The following OXR1 variants were observed in gnomAD, a reference collection of about 807,000 sequenced individuals.
OXR1 encodes oxidation resistance protein 1.
Under a neutral mutation model 104.6 loss-of-function variants are expected in OXR1, and 41 were observed. The ratio of observed to expected loss-of-function variants is 0.39; its 90% confidence interval spans 0.31 to 0.51. The LOEUF is 0.51. Among genes scored for constraint, OXR1 ranks in the 20% least tolerant of loss-of-function variants. The pLI is 0.77. For synonymous variants in OXR1, 348 were observed against 348.4 expected (o/e 1.00, Z 0.01); for missense variants, 955 against 1,031.9 (o/e 0.93, Z 1.02).
At chr8:106,676,700 TTTTCTC>T (rs1227274829) in intron 3 of OXR1, among the ~76,000 whole-genome samples, 1 of 152,106 alleles carries the variant, frequency 6.6e-6, no homozygotes, top group African/African-American at 2.4e-5. Context: ...GACCTGGCCT[TTTTCTC>T]TAGCTGCTCT....
At chr8:106,433,589 G>T (rs1458858680) in intron 2 of OXR1, among the ~76,000 whole-genome samples, 1 of 152,142 alleles carries the variant, frequency 6.6e-6, no homozygotes, top group African/African-American at 2.4e-5. Context: ...TTCCGTCTAT[G>T]CCCAGGAATG....
rs1424485892 is a variant in OXR1, at chr8:106,475,697, C to T, written c.24-43246C>T. On this transcript the variant is annotated intron_variant, in intron 2 of 16. Transcript: ENST00000517566. ...AAAGAAGTCTTGAATAATTGGAACCCTTCTGCCAGATTTTCTAATGTCAGT... is the reference window on the plus strand; with the variant it reads ...AAAGAAGTCTTGAATAATTGGAACCTTTCTGCCAGATTTTCTAATGTCAGT... 7.2e-5 allele frequency among the ~76,000 whole-genome samples: 11 copies of T among 151,902 alleles called. No homozygotes were observed. The East Asian group carries it at 2.1e-3, about 29-fold the overall frequency.
intron 1 of OXR1, among the ~76,000 whole-genome samples, chr8:106,338,369 G>A (rs1290507179): frequency 6.6e-6 from 1 of 151,748 alleles, no homozygotes; most frequent in Non-Finnish European, 1.5e-5. Flanking sequence ...TGAGGTCAGA[G>A]GTGATCAACA....
At chr8:106,530,394 C>T (rs765101638) in intron 3 of OXR1, among the ~76,000 whole-genome samples, 3 of 152,064 alleles carry the variant, frequency 2.0e-5, no homozygotes, top group South Asian at 2.1e-4. Context: ...AATTCCTGGG[C>T]GCAAGTCAGC....
At chr8:106,696,896 G>A (rs1234890093) in intron 7 of OXR1, among the ~76,000 whole-genome samples, 1 of 152,190 alleles carries the variant, frequency 6.6e-6, no homozygotes. Context: ...AGGGAAGGCT[G>A]CCCCAGATGT....
chr8:106,298,363 C>T (rs1348469960), intron 1 of OXR1, among the ~76,000 whole-genome samples: 1 of 152,096 alleles, frequency 6.6e-6, no homozygotes, highest in Non-Finnish European at 1.5e-5. Flanking sequence ...CGGGGAACTG[C>T]CCTTTATAAA....
At chr8:106,458,898 A>G (rs1174752080) in intron 2 of OXR1, among the ~76,000 whole-genome samples, 1 of 152,152 alleles carries the variant, frequency 6.6e-6, no homozygotes, top group Admixed American at 6.5e-5. Context: ...TTTTGGAAGC[A>G]TGTAATTTGC....
chr8:106,281,002 A>G (rs1039268462), intron 1 of OXR1, among the ~76,000 whole-genome samples: 3 of 152,042 alleles, frequency 2.0e-5, no homozygotes, highest in Admixed American at 2.0e-4. Flanking sequence ...AGGTACTGAG[A>G]CCCTGCCCTT....
intron 7 of OXR1, among the ~76,000 whole-genome samples, chr8:106,695,190 A>G (rs1430676171): frequency 6.6e-6 from 1 of 151,036 alleles, no homozygotes; most frequent in Non-Finnish European, 1.5e-5. Flanking sequence ...TTTTTAAAAT[A>G]AGGGTAAAGT....
At chr8:106,422,451 T>C (rs1818944379) in intron 2 of OXR1, among the ~76,000 whole-genome samples, 1 of 152,176 alleles carries the variant, frequency 6.6e-6, no homozygotes, top group African/African-American at 2.4e-5. Context: ...CCGTGCTGTG[T>C]CTTAGAAAAA....
At chr8:106,491,210 T>C (rs532537114) in intron 2 of OXR1, among the ~76,000 whole-genome samples, 1 of 152,356 alleles carries the variant, frequency 6.6e-6, no homozygotes, top group South Asian at 2.1e-4. Flanking sequence ...ACTTAGATAC[T>C]GGCCTTGCTT....
In OXR1 at chr8:106,692,872, G is replaced by A. The variant is rs749385425; in HGVS notation, c.670G>A (p.Gly224Ser). Residue 224 changes from glycine (G) to serine (S), a missense_variant, in exon 7 of 17, where the codon GGC becomes AGC. Physicochemically the swap from Gly to Ser is moderately conservative, Grantham distance 56. Around this residue, in one of 2 missense-constraint regions of OXR1, gnomAD observed 849 missense variants for 852.9 expected, o/e 1.00. Coordinates refer to ENST00000517566, the MANE Select transcript of OXR1 (RefSeq NM_001198533.2). The stretch of plus-strand genomic sequence containing the variant: ...AATTAATTGCAAATATATTACCAGT[G>A]GCAAGGTAAAGAATGACACTTTAGA... ...LKINCKYITSGKGTVSGVLLV... is the reference protein window; with the variant it reads ...LKINCKYITSSKGTVSGVLLV... 6.3e-7 allele frequency: 1 copy of A among 1,595,604 alleles called. No homozygotes were observed. The highest frequency in any genetic ancestry group is 1.3e-5 in the African/African-American group (1 of 74,270).
chr8:106,511,556 T>C (rs76736345), intron 2 of OXR1, among the ~76,000 whole-genome samples: 2 of 151,050 alleles, frequency 1.3e-5, no homozygotes, highest in Non-Finnish European at 3.0e-5. Context: ...CTCTCTCTCA[T>C]ACACACACAC....
chr8:106,309,622 A>G (rs1813613801), intron 1 of OXR1, among the ~76,000 whole-genome samples: 1 of 151,886 alleles, frequency 6.6e-6, no homozygotes. Flanking sequence ...TTTCAATCTT[A>G]GAGCAGTAAA....
At chr8:106,406,330 C>T (rs1271155988) in intron 2 of OXR1, among the ~76,000 whole-genome samples, 1 of 151,976 alleles carries the variant, frequency 6.6e-6, no homozygotes, top group Non-Finnish European at 1.5e-5. Flanking sequence ...AGATGTAATA[C>T]CCATTCTCTG....
intron 1 of OXR1, among the ~76,000 whole-genome samples, chr8:106,307,256 A>G (rs1813501169): frequency 1.3e-5 from 2 of 152,196 alleles, no homozygotes; most frequent in South Asian, 4.1e-4. Flanking sequence ...CATGGATCAA[A>G]TATGTTACTG....
At chr8:106,448,513 A>C (rs1273500426) in intron 2 of OXR1, among the ~76,000 whole-genome samples, 1 of 152,210 alleles carries the variant, frequency 6.6e-6, no homozygotes, top group Non-Finnish European at 1.5e-5. Context: ...TATTCAGCTT[A>C]AATATATTAT....
chr8:106,582,523 G>A (rs1171119291), intron 3 of OXR1, among the ~76,000 whole-genome samples: 1 of 151,774 alleles, frequency 6.6e-6, no homozygotes, highest in Non-Finnish European at 1.5e-5. Context: ...ATTCCACAAT[G>A]GAGAGCGTTA....
intron 3 of OXR1, among the ~76,000 whole-genome samples, chr8:106,562,586 A>T (rs1420897619): frequency 6.6e-6 from 1 of 152,198 alleles, no homozygotes; most frequent in Admixed American, 6.5e-5. Flanking sequence ...ACCTAGCAAG[A>T]TAGGCCAATA....
Sources: allele counts gnomAD v4.1 joint callset (sites outside exome capture counted in the v4.1 genomes callset), GRCh38; gene constraint gnomAD v4.1.1; regional missense constraint gnomAD v4.1.1; transcripts MANE v1.5; gene names NCBI Gene and HGNC (gene_info 2026-07-23, HGNC 2026-07-21).